The following ZNF445 variants were observed in gnomAD, a reference collection of about 807,000 sequenced individuals.
The protein encoded by ZNF445 is zinc finger protein 445.
ZNF445 carries 19 observed loss-of-function variants against 93.9 expected under a neutral mutation model. The observed-to-expected ratio is 0.20, with a 90% CI of 0.14 to 0.30. The LOEUF (loss-of-function observed/expected upper bound fraction) is 0.30, where lower values mean the gene tolerates loss of function less well. ZNF445 is among the 10% of genes least tolerant of loss of function. The pLI is 1.00. For synonymous variants in ZNF445, 449 were observed against 446.3 expected (o/e 1.01, Z -0.08); for missense variants, 1,058 against 1,259.4 (o/e 0.84, Z 2.42).
At chr3:44,468,592 G>T (rs1698223984) in intron 1 of ZNF445, among the ~76,000 whole-genome samples, 1 of 152,064 alleles carries the variant, frequency 6.6e-6, no homozygotes, top group South Asian at 2.1e-4. Context: ...GTATTTTGCA[G>T]CCCCTGCACT....
At chr3:44,474,446 G>A (rs1405703878) in intron 1 of ZNF445, among the ~76,000 whole-genome samples, 2 of 151,922 alleles carry the variant, frequency 1.3e-5, no homozygotes, top group South Asian at 4.2e-4. Flanking sequence ...CCTGGGAGGC[G>A]GAGGTTGCGG....
chr3:44,433,372 G>A lies in ZNF445; in HGVS notation c.*13203C>T, dbSNP rs1474620466. ...CCCACCTCAGCCTCCCAAAGTGTTG[G>A]GATTACAGGTGTGAGCCACCGTGCC... is the stretch of plus-strand genomic sequence containing the variant. On this transcript the variant is annotated 3_prime_UTR_variant, in exon 8 of 8. Transcript: ENST00000396077. The A allele has an allele frequency of 3.3e-5, 5 of 152,186 alleles. No homozygotes were observed. Among genetic ancestry groups the A allele is most frequent in the Admixed American group, 3.3e-4 (5 of 15,268 alleles). 9.4% of individuals were successfully genotyped at this position (152,186 alleles called of 1,614,324 possible).
chr3:44,453,614 T>C (rs1697985842), intron 3 of ZNF445, among the ~76,000 whole-genome samples: 1 of 152,146 alleles, frequency 6.6e-6, no homozygotes, highest in Admixed American at 6.5e-5. Context: ...TATTTTTATA[T>C]AAAGAAGCCT....
Position 44,451,500 on chromosome 3 carries a change from T to C in ZNF445, c.430-18A>G. 3 of 1,588,506 alleles carry C rather than the reference T, an allele frequency of 1.9e-6. No homozygotes were observed. Among genetic ancestry groups the C allele is most frequent in the Non-Finnish European group, 2.6e-6 (3 of 1,161,800 alleles). ...CCCGGGTCCTGGCAAGAAGAAAATG[T>C]TGTGAGAGGATCTTTCTGGGAATCA... On this transcript the variant is annotated intron_variant, in intron 3 of 7. Transcript: ENST00000396077.
In ZNF445 at chr3:44,439,629, T is replaced by C. The variant is rs1226634290; in HGVS notation, c.*6946A>G. 6.6e-6 allele frequency: 1 copy of C among 152,282 alleles called. No homozygotes were observed. The highest frequency in any genetic ancestry group is 6.5e-5 in the Admixed American group (1 of 15,282). The allele number at this position is 152,282 out of a possible 1,614,324, so 9.4% of individuals were successfully genotyped here. A position where few individuals can be genotyped will look rare whatever the true frequency, so the allele number is the denominator to read the frequency against. ...GAGTTCAGCTCCACAAGGTCCCTCT[T>C]CCAATCTCCCACCTTTCAACAATTC... On this transcript the variant is annotated 3_prime_UTR_variant, in exon 8 of 8. Transcript: ENST00000396077.
intron 1 of ZNF445, among the ~76,000 whole-genome samples, chr3:44,466,849 C>T (rs1698202814): frequency 6.6e-6 from 1 of 152,142 alleles, no homozygotes; most frequent in African/African-American, 2.4e-5. Flanking sequence ...TTATGGGAAA[C>T]TTCTATAATG....
At chr3:44,466,071 T>C (rs138877291) in intron 1 of ZNF445, among the ~76,000 whole-genome samples, 1 of 152,290 alleles carries the variant, frequency 6.6e-6, no homozygotes, top group East Asian at 1.9e-4. Context: ...TTTGGGTAAA[T>C]GGCAGGGAAA....
intron 2 of ZNF445, among the ~76,000 whole-genome samples, chr3:44,457,176 G>C (rs1698039661): frequency 1.3e-5 from 2 of 152,140 alleles, no homozygotes; most frequent in Non-Finnish European, 2.9e-5. Flanking sequence ...GGCTCTGAAG[G>C]AATGTTTGTT....
intron 2 of ZNF445, among the ~76,000 whole-genome samples, chr3:44,456,066 G>T (rs1698024923): frequency 6.6e-6 from 1 of 152,154 alleles, no homozygotes; most frequent in African/African-American, 2.4e-5. Context: ...ATCTCAACAA[G>T]ATTTTTTGTA....
chr3:44,438,889 G>A lies in ZNF445; in HGVS notation c.*7686C>T. The stretch of plus-strand genomic sequence containing the variant: ...TGTGGGGTGGGGGGAGGGGGGGAGG[G>A]ATAGCATTGGGAGATATACCTAATG... On this transcript the variant is annotated 3_prime_UTR_variant, in exon 8 of 8. Coordinates refer to ENST00000396077, the MANE Select transcript of ZNF445 (RefSeq NM_181489.6). 1 of 100,098 alleles carries A rather than the reference G, an allele frequency of 1.0e-5. No individual in the cohort carries two copies. The highest frequency in any genetic ancestry group is 3.9e-5 in the African/African-American group (1 of 25,578). 6.2% of individuals were successfully genotyped at this position (100,098 alleles called of 1,614,324 possible).
At chr3:44,465,065 TAAA>T (rs34412481) in intron 1 of ZNF445, among the ~76,000 whole-genome samples, 24 of 113,332 alleles carry the variant, frequency 2.1e-4, no homozygotes, top group African/African-American at 3.3e-4. Flanking sequence ...AGACTCCGCC[TAAA>T]AAAAAAAAAA....
At chr3:44,463,325 T>C (rs1299861156) in intron 1 of ZNF445, among the ~76,000 whole-genome samples, 1 of 152,082 alleles carries the variant, frequency 6.6e-6, no homozygotes. Context: ...TGTGAGCCAC[T>C]GAGCCCAGCC....
Position 44,447,025 on chromosome 3 carries a change from G to T in ZNF445, c.2646C>A (p.Arg882=). 6.2e-7 allele frequency: 1 copy of T among 1,614,168 alleles called. No homozygotes were observed. ...LCGKSYDRNY[R]LVNHQRIHST... is the part of the protein sequence containing the mutation. ...AGTGGATCCTCTGATGGTTAACAAG[G>T]CGATAGTTTCTATCATAAGATTTCC... is the stretch of plus-strand genomic sequence containing the variant. Residue 882 remains arginine, a synonymous_variant, in exon 8 of 8, where the codon CGC becomes CGA. Transcript: ENST00000396077. This position sits in a 1 kb window ranked among gnomAD's most constrained non-coding sequence, Gnocchi z 4.7.
At chr3:44,473,004 AC>A (rs1488445645) in intron 1 of ZNF445, among the ~76,000 whole-genome samples, 1 of 152,184 alleles carries the variant, frequency 6.6e-6, no homozygotes, top group African/African-American at 2.4e-5. Context: ...TTCTTCTGTT[AC>A]ATTGTTTCTT....
intron 1 of ZNF445, among the ~76,000 whole-genome samples, chr3:44,463,175 T>TA (rs1698143461): frequency 6.6e-6 from 1 of 152,070 alleles, no homozygotes; most frequent in East Asian, 1.9e-4. Context: ...TAGCTGGAAT[T>TA]ACAGGCATCT....
rs1697928935 is a variant in ZNF445, at chr3:44,449,518, G to A, written c.926C>T (p.Pro309Leu). Residue 309 changes from proline to leucine, a missense_variant, in exon 7 of 8, where the codon CCT (proline) becomes CTT (leucine). Pro to Leu is a moderately conservative substitution (Grantham distance 98). Around this residue, in one of 3 missense-constraint regions of ZNF445, gnomAD observed 657 missense variants for 746.4 expected, o/e 0.88. Transcript: ENST00000396077. ...GCAGGTTCTCTGGAACTCACCTGTAGGAGCAGCAACTGGATTCCCCTTAGG... is the reference window on the plus strand; with the variant it reads ...GCAGGTTCTCTGGAACTCACCTGTAAGAGCAGCAACTGGATTCCCCTTAGG... Reference protein sequence around the residue: ...AQPKGNPVAAPTGDDLQSKTN... With the variant: ...AQPKGNPVAALTGDDLQSKTN... 36 of 1,613,934 alleles carry A rather than the reference G, an allele frequency of 2.2e-5. No individual in the cohort carries two copies. The highest frequency in any genetic ancestry group is 3.1e-5 in the Non-Finnish European group (36 of 1,179,798).
At position 44,455,560 on chromosome 3, in the gene ZNF445, C is replaced by G. The variant is rs1026857842; in HGVS notation, c.-11G>C. On this transcript the variant is annotated 5_prime_UTR_variant, in exon 3 of 8. Transcript: ENST00000396077. Reference sequence around the variant, plus strand: ...CCTGCCTGGAGGCATCACTCCTGTTCAGGGACTAACCAGAAGAGTGCGAAC... The same window carrying G: ...CCTGCCTGGAGGCATCACTCCTGTTGAGGGACTAACCAGAAGAGTGCGAAC... 8.2e-6 allele frequency: 13 copies of G among 1,577,288 alleles called. No individual in the cohort carries two copies. Among genetic ancestry groups the G allele is most frequent in the African/African-American group, 1.4e-5 (1 of 73,974 alleles).
At chr3:44,452,654 T>C (rs559277694) in intron 3 of ZNF445, among the ~76,000 whole-genome samples, 32 of 152,368 alleles carry the variant, frequency 2.1e-4, no homozygotes, top group Admixed American at 7.2e-4. Context: ...AGCCATGATT[T>C]TGTAACTACT....
intron 1 of ZNF445, among the ~76,000 whole-genome samples, chr3:44,460,976 C>T (rs979649147): frequency 2.0e-4 from 31 of 152,208 alleles, no homozygotes; most frequent in African/African-American, 7.2e-4. Flanking sequence ...GGGGCTGATT[C>T]TGGTACTCTC....
Sources: allele counts gnomAD v4.1 joint callset (sites outside exome capture counted in the v4.1 genomes callset), GRCh38; gene constraint gnomAD v4.1.1; regional missense constraint gnomAD v4.1.1; non-coding constraint Gnocchi (gnomAD v3.1); transcripts MANE v1.5; gene names NCBI Gene and HGNC (gene_info 2026-07-23, HGNC 2026-07-21).